The following TENM4 variants were observed in gnomAD, a reference collection of about 807,000 sequenced individuals.
TENM4 encodes the protein teneurin transmembrane protein 4.
TENM4 carries 82 observed loss-of-function variants against 243.3 expected under a neutral mutation model. The ratio of observed to expected loss-of-function variants is 0.34; its 90% CI spans 0.28 to 0.40. TENM4 has a LOEUF of 0.40. Ranked by LOEUF, TENM4 falls within the 10% of genes least tolerant of loss-of-function variation. The pLI is 1.00. For missense variants in TENM4, 3,138 were observed against 3,673.3 expected (o/e 0.85, Z 3.77); for synonymous variants, 1,412 against 1,456.3 (o/e 0.97, Z 0.69).
chr11:78,993,737 T>C (rs1858101252), intron 6 of TENM4, among the ~76,000 whole-genome samples: 1 of 152,226 alleles, frequency 6.6e-6, no homozygotes, highest in Non-Finnish European at 1.5e-5. Context: ...ATGAAGATGT[T>C]CTGTTTGCTC....
At chr11:78,913,628 T>TGTGTGTGTGTGTGTGTGTGA (rs1295488883) in intron 6 of TENM4, among the ~76,000 whole-genome samples, 2 of 114,274 alleles carry the variant, frequency 1.8e-5, no homozygotes, top group African/African-American at 6.8e-5. Flanking sequence ...TGTGTGTGTG[T>TGTGTGTGTGTGTGTGTGTGA]GAGTGTCGGG....
At chr11:78,812,919 A>C (rs1178111463) in intron 13 of TENM4, among the ~76,000 whole-genome samples, 1 of 152,214 alleles carries the variant, frequency 6.6e-6, no homozygotes, top group Admixed American at 6.5e-5. Flanking sequence ...TTCTCTATGA[A>C]GGATACTATA....
At chr11:78,673,435 A>G (rs1422016934) in intron 30 of TENM4, among the ~76,000 whole-genome samples, 1 of 152,206 alleles carries the variant, frequency 6.6e-6, no homozygotes. Flanking sequence ...AGGAAAGCAG[A>G]TAATTAGGTC....
At chr11:79,431,101 C>A (rs1316680271) in intron 1 of TENM4, among the ~76,000 whole-genome samples, 1 of 152,106 alleles carries the variant, frequency 6.6e-6, no homozygotes, top group Non-Finnish European at 1.5e-5. Flanking sequence ...AGAAAAAAGT[C>A]GAAACAATCT....
At chr11:78,869,644 G>A (rs553932320) in intron 9 of TENM4, among the ~76,000 whole-genome samples, 1 of 152,192 alleles carries the variant, frequency 6.6e-6, no homozygotes, top group African/African-American at 2.4e-5. Flanking sequence ...TGAAGAAACT[G>A]GAGGCTCAGA....
At chr11:78,660,404 G>A (rs942085642) in intron 33 of TENM4, among the ~76,000 whole-genome samples, 3 of 152,120 alleles carry the variant, frequency 2.0e-5, no homozygotes, top group Non-Finnish European at 4.4e-5. Context: ...ATGAGACCCA[G>A]TACTTACCCT....
At position 79,081,770 on chromosome 11, in the gene TENM4, G is replaced by A. The variant is rs934933562; in HGVS notation, c.-65-11761C>T. Among the ~76,000 whole-genome samples, 6 of 152,166 alleles carry A rather than the reference G, an allele frequency of 3.9e-5. No homozygotes were observed. The South Asian group carries it at 1.0e-3, about 26-fold the overall frequency. On this transcript the variant is annotated intron_variant, in intron 4 of 33. Transcript: ENST00000278550. ...TTTGCTGGTGGGGCAGGGGCAGGGCGGGCCTAGAGGAAGAAAATTTCTGTT... is the reference window on the plus strand; with the variant it reads ...TTTGCTGGTGGGGCAGGGGCAGGGCAGGCCTAGAGGAAGAAAATTTCTGTT...
chr11:79,299,922 C>T (rs541799609), intron 1 of TENM4, among the ~76,000 whole-genome samples: 34 of 152,204 alleles, frequency 2.2e-4, no homozygotes, highest in Non-Finnish European at 3.8e-4. Flanking sequence ...GTTGGGCTTG[C>T]TTTCTGCTGA....
At chr11:79,305,883 C>G (rs1325243425) in intron 1 of TENM4, among the ~76,000 whole-genome samples, 1 of 152,218 alleles carries the variant, frequency 6.6e-6, no homozygotes, top group African/African-American at 2.4e-5. Context: ...CCAGCAACTT[C>G]TAGCAGCCTG....
intron 6 of TENM4, among the ~76,000 whole-genome samples, chr11:79,029,821 T>C (rs1350310924): frequency 6.6e-6 from 1 of 152,194 alleles, no homozygotes; most frequent in African/African-American, 2.4e-5. Context: ...CAGGAAGCCC[T>C]ATTAATAACA....
At chr11:78,686,407 AT>A (rs1238074384) in intron 29 of TENM4, among the ~76,000 whole-genome samples, 1 of 152,200 alleles carries the variant, frequency 6.6e-6, no homozygotes, top group Non-Finnish European at 1.5e-5. Context: ...AAATGTAAGT[AT>A]TTCTCTAGTC....
intron 1 of TENM4, among the ~76,000 whole-genome samples, chr11:79,312,405 A>G (rs566663492): frequency 6.6e-6 from 1 of 152,366 alleles, no homozygotes; most frequent in African/African-American, 2.4e-5. Flanking sequence ...ATTATTGCAA[A>G]TGCTTTGCAT....
rs985574561 is a variant in TENM4, at chr11:79,051,562, C to G, written c.493+13176G>C. ...GTAAGAGCTTTGGATTTGGATAGCC[C>G]TGGGTTAGCTATCAGCTTTTTAACT... On this transcript the variant is annotated intron_variant, in intron 6 of 33. Transcript: ENST00000278550. 2.8e-4 allele frequency among the ~76,000 whole-genome samples: 42 copies of G among 152,192 alleles called. 1 individual carries two copies. The highest frequency in any genetic ancestry group is 1.5e-5 in the Non-Finnish European group (1 of 68,042).
At chr11:78,687,971 C>T in intron 29 of TENM4, 83 bp downstream of exon 29, 1 of 1,486,160 alleles carries the variant, frequency 6.7e-7, no homozygotes, top group African/African-American at 1.4e-5. Flanking sequence ...GCTCCAGCAG[C>T]AGCCTATTTC....
At chr11:79,308,779 C>T (rs778900086) in intron 1 of TENM4, among the ~76,000 whole-genome samples, 9 of 152,248 alleles carry the variant, frequency 5.9e-5, no homozygotes, top group South Asian at 4.2e-4. Flanking sequence ...CTCCTGAGTG[C>T]GAGACCCACA....
intron 2 of TENM4, among the ~76,000 whole-genome samples, chr11:79,220,171 G>A (rs1337696571): frequency 6.6e-6 from 1 of 152,242 alleles, no homozygotes; most frequent in Non-Finnish European, 1.5e-5. Flanking sequence ...GGCTCCTAAT[G>A]CACTCAGAAC....
intron 13 of TENM4, among the ~76,000 whole-genome samples, chr11:78,813,594 C>T (rs1857544334): frequency 6.6e-6 from 1 of 152,158 alleles, no homozygotes; most frequent in Non-Finnish European, 1.5e-5. Context: ...AAGAAGGGGC[C>T]AAGTTAGTTT....
intron 6 of TENM4, among the ~76,000 whole-genome samples, chr11:79,038,950 G>C (rs1205812989): frequency 6.6e-6 from 1 of 152,180 alleles, no homozygotes; most frequent in African/African-American, 2.4e-5. Flanking sequence ...ACTGCCCAAA[G>C]ACCACCAGGA....
intron 2 of TENM4, among the ~76,000 whole-genome samples, chr11:79,231,424 A>G (rs1864371613): frequency 6.6e-6 from 1 of 152,196 alleles, no homozygotes; most frequent in Non-Finnish European, 1.5e-5. Context: ...ATGATGGGGA[A>G]AGGTCAGTGT....
Sources: allele counts gnomAD v4.1 joint callset (sites outside exome capture counted in the v4.1 genomes callset), GRCh38; gene constraint gnomAD v4.1.1; transcripts MANE v1.5; gene names NCBI Gene and HGNC (gene_info 2026-07-23, HGNC 2026-07-21).